SPATA6: variants seen among roughly 807,000 people sequenced by gnomAD.
The protein encoded by SPATA6 is spermatogenesis-associated protein 6.
A neutral mutation model predicts 65.3 loss-of-function variants in SPATA6; 56 were observed. The ratio of observed to expected loss-of-function variants is 0.86; its 90% CI spans 0.69 to 1.07. The LOEUF is 1.07. SPATA6 is among the 50% of genes least tolerant of loss of function. The pLI, the probability that SPATA6 is intolerant of heterozygous loss-of-function variation, is 0.00. For missense variants in SPATA6, 590 were observed against 594.8 expected (o/e 0.99, Z 0.08); for synonymous variants, 199 against 213.2 (o/e 0.93, Z 0.58).
At chr1:48,432,905 G>C (rs920276246) in intron 3 of SPATA6, among the ~76,000 whole-genome samples, 3 of 152,218 alleles carry the variant, frequency 2.0e-5, no homozygotes, top group East Asian at 1.9e-4. Context: ...TGAAGTGATA[G>C]GCTAAATGTG....
intron 11 of SPATA6, among the ~76,000 whole-genome samples, chr1:48,345,070 T>C (rs76173078): frequency 0.084 from 12,765 of 152,200 alleles, 544 homozygotes; most frequent in Non-Finnish European, 0.093. Flanking sequence ...AGAATATACA[T>C]TCTTCTCATC....
intron 9 of SPATA6, among the ~76,000 whole-genome samples, chr1:48,362,088 T>G (rs937969727): frequency 6.6e-6 from 1 of 152,008 alleles, no homozygotes; most frequent in Non-Finnish European, 1.5e-5. Flanking sequence ...GTCAACAATG[T>G]AAGTGCATAT....
intron 1 of SPATA6, among the ~76,000 whole-genome samples, chr1:48,467,831 TATA>T (rs1256403107): frequency 3.9e-5 from 6 of 152,032 alleles, no homozygotes; most frequent in Non-Finnish European, 8.8e-5. Flanking sequence ...AAATCAAAAA[TATA>T]ATAAGATATG....
At chr1:48,394,333 A>C (rs537362852) in intron 8 of SPATA6, among the ~76,000 whole-genome samples, 1 of 152,226 alleles carries the variant, frequency 6.6e-6, no homozygotes, top group African/African-American at 2.4e-5. Context: ...TGTTGACAAA[A>C]AATCTTCCAA....
intron 11 of SPATA6, among the ~76,000 whole-genome samples, chr1:48,349,013 AC>A (rs918733558): frequency 2.4e-4 from 36 of 152,136 alleles, no homozygotes; most frequent in African/African-American, 8.4e-4. Flanking sequence ...TTTATCTACT[AC>A]AGCAGGGGTT....
chr1:48,471,964 G>T lies in SPATA6; in HGVS notation c.45C>A (p.Ile15=), dbSNP rs767088818. 1.8e-5 allele frequency: 29 copies of T among 1,605,496 alleles called. No homozygotes were observed. The South Asian group carries it at 2.4e-4, about 14-fold the overall frequency. ...KALQCALALE[I]SSVTCPGVVL... is the part of the protein sequence containing the mutation. ...AGGCGCTACCGGTACTCACTGAGCTGATCTCCAGCGCCAGGGCGCACTGCA... is the reference window on the plus strand; with the variant it reads ...AGGCGCTACCGGTACTCACTGAGCTTATCTCCAGCGCCAGGGCGCACTGCA... Residue 15 remains isoleucine, a synonymous_variant, in exon 1 of 13, where the codon ATC becomes ATA. Transcript: ENST00000371847.
intron 11 of SPATA6, among the ~76,000 whole-genome samples, chr1:48,348,669 T>G (rs1043583681): frequency 6.6e-6 from 1 of 152,058 alleles, no homozygotes; most frequent in African/African-American, 2.4e-5. Flanking sequence ...GTGTGCTCAC[T>G]GCTATTGTCA....
Position 48,411,513 on chromosome 1 carries a change from T to C in SPATA6, c.356A>G (p.His119Arg). Residue 119 changes from histidine (H) to arginine (R), a missense_variant, in exon 5 of 13, where the codon CAC becomes CGC. Coordinates refer to ENST00000371847, the MANE Select transcript of SPATA6 (RefSeq NM_019073.4). ...MFPGPNQMSG[H>R]HDSNRQVTMR... ...GGTAACCTGGCGGTTTGAATCATGG[T>C]GTCCAGACATTTGGTTTGGACCCGG... 1.2e-6 allele frequency: 2 copies of C among 1,611,316 alleles called. No homozygotes were observed. Among genetic ancestry groups the C allele is most frequent in the Non-Finnish European group, 1.7e-6 (2 of 1,178,770 alleles).
chr1:48,386,916 A>C (rs994598729), intron 8 of SPATA6, among the ~76,000 whole-genome samples: 3 of 152,216 alleles, frequency 2.0e-5, no homozygotes, highest in Non-Finnish European at 4.4e-5. Flanking sequence ...AGGACTTAGA[A>C]ACAAGCTGTC....
chr1:48,305,991 A>G (rs1218150863), intron 11 of SPATA6, 113 bp from the exon 12 acceptor site: 9 of 727,802 alleles, frequency 1.2e-5, no homozygotes, highest in Non-Finnish European at 1.8e-5. Context: ...AATTCATAAG[A>G]AAGGGAATTA....
chr1:48,328,976 T>C (rs959070918), intron 11 of SPATA6, among the ~76,000 whole-genome samples: 3 of 152,182 alleles, frequency 2.0e-5, no homozygotes, highest in Non-Finnish European at 1.5e-5. Context: ...CTTCCCTCTA[T>C]ATTGTACACT....
rs1299798885 is a variant in SPATA6, at chr1:48,296,810, T to C, written c.*1903A>G. ...ACCTTAGGATGACATTGGCAGGTAGTGTGAGGAGCTAGGGGAATGGGGGGT... is the reference window on the plus strand; with the variant it reads ...ACCTTAGGATGACATTGGCAGGTAGCGTGAGGAGCTAGGGGAATGGGGGGT... On this transcript the variant is annotated 3_prime_UTR_variant, in exon 13 of 13. Transcript: ENST00000371847. 2.0e-5 allele frequency: 3 copies of C among 152,064 alleles called. No individual in the cohort carries two copies. The highest frequency in any genetic ancestry group is 7.2e-5 in the African/African-American group (3 of 41,402). The allele number at this position is 152,064 out of a possible 1,614,324, so 9.4% of individuals were successfully genotyped here. A position where few individuals can be genotyped will look rare whatever the true frequency, so the allele number is the denominator to read the frequency against.
intron 12 of SPATA6, 46 bp from the exon 13 acceptor site, chr1:48,298,939 T>C (rs1644864934): frequency 1.3e-6 from 2 of 1,564,800 alleles, no homozygotes; most frequent in Non-Finnish European, 1.7e-6. Context: ...TGAAACAAAA[T>C]TAGAGATAGT....
chr1:48,318,420 G>C (rs976405639), intron 11 of SPATA6, among the ~76,000 whole-genome samples: 3 of 152,106 alleles, frequency 2.0e-5, no homozygotes, highest in African/African-American at 7.2e-5. Context: ...AATAAGTTCA[G>C]CAAGATTTCA....
At chr1:48,471,906 G>T in intron 1 of SPATA6, 52 bp downstream of exon 1, 1 of 1,599,578 alleles carries the variant, frequency 6.3e-7, no homozygotes, top group Non-Finnish European at 8.5e-7. Flanking sequence ...GGAGGTGACT[G>T]AGGGAGTCCC....
At chr1:48,452,223 GA>G (rs1656632840) in intron 2 of SPATA6, among the ~76,000 whole-genome samples, 1 of 151,688 alleles carries the variant, frequency 6.6e-6, no homozygotes, top group Non-Finnish European at 1.5e-5. Context: ...AAGAAGAAAA[GA>G]AAGACGGAAA....
intron 9 of SPATA6, among the ~76,000 whole-genome samples, chr1:48,364,326 A>G (rs1172849513): frequency 6.6e-6 from 1 of 152,220 alleles, no homozygotes; most frequent in Non-Finnish European, 1.5e-5. Flanking sequence ...CAGTAATGGG[A>G]TGGCTGGGTC....
the SPATA6 span, among the ~76,000 whole-genome samples, chr1:48,279,541 G>A: frequency 1.3e-5 from 2 of 152,096 alleles, no homozygotes; most frequent in Non-Finnish European, 2.9e-5. Context: ...CCTAGTCTCT[G>A]ATAAAACAGA....
intron 3 of SPATA6, among the ~76,000 whole-genome samples, chr1:48,443,717 G>A (rs538375892): frequency 4.6e-5 from 7 of 152,300 alleles, no homozygotes; most frequent in South Asian, 2.1e-4. Flanking sequence ...ATCAGACAAC[G>A]CCTGTCAAAC....
Sources: gnomAD v4.1 joint callset for allele counts (sites outside exome capture counted in the v4.1 genomes callset) on GRCh38, gnomAD v4.1.1 for gene constraint, MANE v1.5 for transcripts, NCBI Gene and HGNC (gene_info 2026-07-23, HGNC 2026-07-21) for gene names.